The following CRB1 variants were observed in gnomAD, a reference collection of about 807,000 sequenced individuals.
The protein encoded by CRB1 is protein crumbs homolog 1.
A neutral mutation model predicts 120.0 loss-of-function variants in CRB1; 83 were observed. The observed-to-expected ratio is 0.69, with a 90% CI of 0.58 to 0.83. The LOEUF (loss-of-function observed/expected upper bound fraction) is 0.83, where lower values mean the gene tolerates loss of function less well. Ranked by LOEUF, CRB1 falls within the 40% of genes least tolerant of loss-of-function variation. CRB1 has a pLI of 0.00. For synonymous variants in CRB1, 625 were observed against 612.5 expected (o/e 1.02, Z -0.30); for missense variants, 1,699 against 1,687.6 (o/e 1.01, Z -0.12).
At chr1:197,415,641 C>CTTTTTTTTTTTTTTTTTTTTTTCTTTT (rs55654070) in intron 5 of CRB1, among the ~76,000 whole-genome samples, 1 of 94,012 alleles carries the variant, frequency 1.1e-5, no homozygotes, top group Non-Finnish European at 1.9e-5. Context: ...TTTTTCTTTT[C>CTTTTTTTTTTTTTTTTTTTTTTCTTTT]TTTTTTTTTT....
intron 2 of CRB1, among the ~76,000 whole-genome samples, chr1:197,339,731 C>T (rs1427758019): frequency 1.3e-5 from 2 of 152,204 alleles, no homozygotes; most frequent in African/African-American, 2.4e-5. Flanking sequence ...TAACATGGAT[C>T]TCTAAATGCC....
At chr1:197,346,312 T>G (rs1659770580) in intron 3 of CRB1, among the ~76,000 whole-genome samples, 1 of 152,138 alleles carries the variant, frequency 6.6e-6, no homozygotes, top group African/African-American at 2.4e-5. Context: ...AAGAACTTCT[T>G]GCATACCAAA....
At chr1:197,319,127 A>G (rs930788564) in intron 1 of CRB1, among the ~76,000 whole-genome samples, 4 of 151,648 alleles carry the variant, frequency 2.6e-5, no homozygotes, top group African/African-American at 7.3e-5. Flanking sequence ...AAACAAAGGT[A>G]TATTATTGGG....
the CRB1 span, chr1:197,222,177 C>T: frequency 7.1e-6 from 3 of 420,128 alleles, no homozygotes; most frequent in Non-Finnish European, 1.4e-5. Flanking sequence ...TGTGTCCTGC[C>T]GGCCCGCTCC....
intron 6 of CRB1, among the ~76,000 whole-genome samples, chr1:197,424,570 T>C (rs1314647347): frequency 6.6e-6 from 1 of 152,164 alleles, no homozygotes; most frequent in Non-Finnish European, 1.5e-5. Context: ...TGCTGGATGA[T>C]ACAGTGACAC....
intron 11 of CRB1, chr1:197,443,344 C>T (rs1665551483): frequency 6.6e-6 from 1 of 151,762 alleles, no homozygotes; most frequent in South Asian, 2.1e-4. Context: ...TTTCTGATTC[C>T]ATAAAACTGT....
In CRB1 at chr1:197,331,302, A is replaced by G. The variant is rs542404628; in HGVS notation, c.652+2299A>G. On this transcript the variant is annotated intron_variant, in intron 2 of 11. Coordinates refer to ENST00000367400, the MANE Select transcript of CRB1 (RefSeq NM_201253.3). ...GGCACCCTTCCCCATCCTGAAACTC[A>G]GGTAAATGAATATTAAATAAGAATT... Among the ~76,000 whole-genome samples the G allele has an allele frequency of 2.6e-5, 4 of 152,230 alleles. No homozygotes were observed. In the South Asian group the frequency reaches 8.3e-4, roughly 32 times the overall value.
chr1:197,396,119 T>G (rs559645312), intron 5 of CRB1, among the ~76,000 whole-genome samples: 4 of 152,234 alleles, frequency 2.6e-5, no homozygotes, highest in African/African-American at 9.6e-5. Flanking sequence ...AAAAAGAGAC[T>G]AGAACAAATA....
chr1:197,350,424 G>A (rs1196132050), intron 4 of CRB1, among the ~76,000 whole-genome samples: 1 of 152,196 alleles, frequency 6.6e-6, no homozygotes, highest in Non-Finnish European at 1.5e-5. Context: ...TATACCATGA[G>A]GTGGAAATTA....
chr1:197,286,031 C>T (rs1448707457), intron 1 of CRB1, among the ~76,000 whole-genome samples: 2 of 151,728 alleles, frequency 1.3e-5, no homozygotes, highest in Non-Finnish European at 2.9e-5. Flanking sequence ...AGAGTATAGG[C>T]CTTTCTCTGT....
At chr1:197,291,273 C>A (rs1656163955) in intron 1 of CRB1, among the ~76,000 whole-genome samples, 1 of 151,762 alleles carries the variant, frequency 6.6e-6, no homozygotes, top group Non-Finnish European at 1.5e-5. Context: ...GGACATGTGT[C>A]TTTTATCCCA....
At chr1:197,311,697 TAGTGTG>T (rs1169423551) in intron 1 of CRB1, among the ~76,000 whole-genome samples, 2 of 96,484 alleles carry the variant, frequency 2.1e-5, no homozygotes, top group African/African-American at 4.3e-5. Context: ...CTCATATAGT[TAGTGTG>T]TGTGTGTGTG....
At chr1:197,389,218 A>C (rs1325640227) in intron 5 of CRB1, among the ~76,000 whole-genome samples, 3 of 152,124 alleles carry the variant, frequency 2.0e-5, no homozygotes, top group Admixed American at 1.3e-4. Flanking sequence ...CACACCTTAA[A>C]GAGGGGCAGC....
Position 197,328,755 on chromosome 1 carries a change from T to A in CRB1, c.404T>A (p.Ile135Asn), listed in dbSNP as rs1316048135. The A allele has an allele frequency of 4.3e-6, 7 of 1,611,744 alleles. No homozygotes were observed. Among genetic ancestry groups the A allele is most frequent in the Non-Finnish European group, 5.9e-6 (7 of 1,178,246 alleles). ...CAGGACCCTATTTATCCTGTCTGCATCTGCCCTGCTGGATATGCTGGAAGA... is the reference window on the plus strand; with the variant it reads ...CAGGACCCTATTTATCCTGTCTGCAACTGCCCTGCTGGATATGCTGGAAGA... ...CHQDPIYPVC[I>N]CPAGYAGRFC... is the part of the protein sequence containing the mutation. The change falls in exon 2 of 12, where the codon ATC (isoleucine) becomes AAC (asparagine). Residue 135 changes from isoleucine to asparagine, a missense_variant. Coordinates refer to ENST00000367400, the MANE Select transcript of CRB1 (RefSeq NM_201253.3).
At chr1:197,221,075 C>A in the CRB1 span, among the ~76,000 whole-genome samples, 1 of 152,130 alleles carries the variant, frequency 6.6e-6, no homozygotes, top group East Asian at 1.9e-4. Context: ...TCACAGACTA[C>A]GATACTTGTG....
intron 10 of CRB1, 200 bp downstream of exon 10, chr1:197,438,875 A>G (rs1297939846): frequency 5.6e-6 from 3 of 532,524 alleles, no homozygotes; most frequent in Non-Finnish European, 9.9e-6. Flanking sequence ...TTTATTAGAC[A>G]AAACTTCAAA....
the CRB1 span, chr1:197,222,775 T>C: frequency 4.9e-5 from 57 of 1,158,730 alleles, no homozygotes; most frequent in African/African-American, 5.7e-4. Context: ...GAACTCCAAG[T>C]GCTACATGAT....
chr1:197,345,213 T>A (rs1369323728), intron 3 of CRB1, among the ~76,000 whole-genome samples: 1 of 152,186 alleles, frequency 6.6e-6, no homozygotes, highest in Non-Finnish European at 1.5e-5. Context: ...ACATAACAAT[T>A]TTTAACAAGA....
intron 11 of CRB1, among the ~76,000 whole-genome samples, chr1:197,460,391 G>C (rs1295376178): frequency 2.0e-5 from 3 of 152,060 alleles, no homozygotes; most frequent in African/African-American, 7.2e-5. Flanking sequence ...TATTTTCAGA[G>C]CTAAGGAAGC....
Sources: allele counts gnomAD v4.1 joint callset (sites outside exome capture counted in the v4.1 genomes callset), GRCh38; gene constraint gnomAD v4.1.1; transcripts MANE v1.5; gene names NCBI Gene and HGNC (gene_info 2026-07-23, HGNC 2026-07-21).